SNTB1: variants seen among roughly 807,000 people sequenced by gnomAD.
SNTB1 encodes syntrophin beta 1.
SNTB1 carries 36 observed loss-of-function variants against 48.9 expected under a neutral mutation model. The observed-to-expected ratio is 0.74, with a 90% CI of 0.56 to 0.97. The LOEUF is 0.97. SNTB1 is among the 50% of genes least tolerant of loss of function. The pLI is 0.00. For synonymous variants in SNTB1, 299 were observed against 294.6 expected, an observed-to-expected ratio of 1.01 and a Z score of -0.15; for missense variants, 786 against 703.4, an observed-to-expected ratio of 1.12 and a Z score of -1.33.
At chr8:120,595,614 A>G (rs950562773) in intron 3 of SNTB1, among the ~76,000 whole-genome samples, 2 of 148,264 alleles carry the variant, frequency 1.3e-5, no homozygotes, top group African/African-American at 5.0e-5. Flanking sequence ...ACAGTGTTTC[A>G]CTCTTGTTGC....
intron 3 of SNTB1, among the ~76,000 whole-genome samples, chr8:120,597,582 A>G (rs1356300772): frequency 6.6e-6 from 1 of 152,248 alleles, no homozygotes; most frequent in African/African-American, 2.4e-5. Context: ...GAAAACCACA[A>G]AGAAGGATCC....
At chr8:120,680,341 C>T (rs181921231) in intron 2 of SNTB1, among the ~76,000 whole-genome samples, 46 of 152,256 alleles carry the variant, frequency 3.0e-4, no homozygotes, top group Middle Eastern at 3.4e-3. Context: ...AGAACCAAGA[C>T]GACTGAAACT....
intron 1 of SNTB1, among the ~76,000 whole-genome samples, chr8:120,701,996 C>T (rs887034468): frequency 7.9e-5 from 12 of 152,186 alleles, no homozygotes; most frequent in African/African-American, 2.4e-4. Context: ...ATAATTGATG[C>T]CAAAGTAAGG....
chr8:120,596,020 T>C (rs1233973634), intron 3 of SNTB1, among the ~76,000 whole-genome samples: 1 of 152,172 alleles, frequency 6.6e-6, no homozygotes. Context: ...TTTTCATGCA[T>C]GTGTTTCTGT....
At chr8:120,664,634 C>T (rs1336370495) in intron 2 of SNTB1, among the ~76,000 whole-genome samples, 1 of 152,096 alleles carries the variant, frequency 6.6e-6, no homozygotes, top group African/African-American at 2.4e-5. Flanking sequence ...GTAAGTAATC[C>T]ATTACGTGGA....
chr8:120,791,188 A>C (rs1416143660), intron 1 of SNTB1, among the ~76,000 whole-genome samples: 1 of 151,936 alleles, frequency 6.6e-6, no homozygotes, highest in East Asian at 1.9e-4. Flanking sequence ...CAAAGCATAC[A>C]AAAACATAAA....
At chr8:120,580,447 T>A (rs946151218) in intron 3 of SNTB1, among the ~76,000 whole-genome samples, 3 of 152,184 alleles carry the variant, frequency 2.0e-5, no homozygotes, top group Non-Finnish European at 4.4e-5. Flanking sequence ...ACAATGTATA[T>A]AAAACTTCCT....
intron 2 of SNTB1, among the ~76,000 whole-genome samples, chr8:120,649,479 G>A (rs1339410526): frequency 2.0e-4 from 27 of 135,338 alleles, no homozygotes; most frequent in South Asian, 2.7e-4. Flanking sequence ...TAGGCTGCTC[G>A]GGGGTCAGGG....
chr8:120,776,534 T>C (rs1587153963), intron 1 of SNTB1: 1 of 152,212 alleles, frequency 6.6e-6, no homozygotes, highest in Admixed American at 6.5e-5. Context: ...TATGATGTTA[T>C]GAAATGCCAG....
At position 120,536,801 on chromosome 8, in the gene SNTB1, T is replaced by C. The variant is rs566386721; in HGVS notation, c.*2076A>G. The stretch of plus-strand genomic sequence containing the variant: ...AAATCATATTTGTAATTATGATCAT[T>C]TTAATTTGTCTATAAATATATAATA... On this transcript the variant is annotated 3_prime_UTR_variant, in exon 7 of 7. Transcript: ENST00000517992. 1 of 152,204 alleles carries C rather than the reference T, an allele frequency of 6.6e-6. No homozygotes were observed. The highest frequency in any genetic ancestry group is 2.1e-4 in the South Asian group (1 of 4,822). The allele number at this position is 152,204 out of a possible 1,614,324, so 9.4% of individuals were successfully genotyped here. A position where few individuals can be genotyped will look rare whatever the true frequency, so the allele number is the denominator to read the frequency against.
chr8:120,802,818 C>T (rs1054972603), intron 1 of SNTB1, among the ~76,000 whole-genome samples: 1 of 152,054 alleles, frequency 6.6e-6, no homozygotes, highest in Non-Finnish European at 1.5e-5. Flanking sequence ...GTTTTACATA[C>T]TTAGTCCCTT....
intron 2 of SNTB1, among the ~76,000 whole-genome samples, chr8:120,679,984 A>AT (rs2129814663): frequency 6.6e-6 from 1 of 152,084 alleles, no homozygotes; most frequent in African/African-American, 2.4e-5. Flanking sequence ...ATAGAACTAT[A>AT]TTTTTTCTTG....
intron 2 of SNTB1, among the ~76,000 whole-genome samples, chr8:120,683,782 T>G (rs948152597): frequency 1.3e-5 from 2 of 152,056 alleles, no homozygotes; most frequent in East Asian, 3.9e-4. Flanking sequence ...GGACTCTGAG[T>G]ACAGAGAGAA....
chr8:120,807,278 CA>C (rs1820349922), intron 1 of SNTB1, among the ~76,000 whole-genome samples: 1 of 152,154 alleles, frequency 6.6e-6, no homozygotes, highest in Non-Finnish European at 1.5e-5. Context: ...AATCCAAGAG[CA>C]AAAAACTCCT....
At chr8:120,657,189 A>C (rs774985817) in intron 2 of SNTB1, among the ~76,000 whole-genome samples, 15 of 152,194 alleles carry the variant, frequency 9.9e-5, no homozygotes, top group Admixed American at 2.0e-4. Flanking sequence ...TATCTTTCCA[A>C]TAATTGAAGT....
chr8:120,544,058 T>C (rs1355554551), intron 5 of SNTB1, among the ~76,000 whole-genome samples: 1 of 152,030 alleles, frequency 6.6e-6, no homozygotes, highest in East Asian at 1.9e-4. Context: ...CCTGAGTAGC[T>C]GGGATTACAG....
chr8:120,772,256 T>C (rs574377137), intron 1 of SNTB1, among the ~76,000 whole-genome samples: 1 of 151,966 alleles, frequency 6.6e-6, no homozygotes, highest in Admixed American at 6.5e-5. Flanking sequence ...TCTTCTTTTT[T>C]TTTTTTTGAG....
chr8:120,811,567 TGCGGACCCCGGCGGGC>T lies in SNTB1; in HGVS notation c.261_276del (p.Ala89LeufsTer20). 6.3e-7 allele frequency: 1 copy of T among 1,576,468 alleles called. No homozygotes were observed. The highest frequency in any genetic ancestry group is 8.6e-7 in the Non-Finnish European group (1 of 1,161,550). On this transcript the variant is annotated frameshift_variant, in exon 1 of 7. Coordinates refer to ENST00000517992, the MANE Select transcript of SNTB1 (RefSeq NM_021021.4). LOFTEE classifies it high-confidence loss of function. ...TGCTCGGGCAGGTCGGTGAAAGCGGTGCGGACCCCGGCGGGCGAGTCCGGGGGCTGCGCGCCGCCCG... is the reference window on the plus strand; with the variant it reads ...TGCTCGGGCAGGTCGGTGAAAGCGGTGAGTCCGGGGGCTGCGCGCCGCCCG...
rs191004332 is a variant in SNTB1, at chr8:120,781,592, A to C, written c.571+29681T>G. 5.0e-3 allele frequency among the ~76,000 whole-genome samples: 768 copies of C among 152,362 alleles called. 8 individuals are homozygous for C. The highest frequency in any genetic ancestry group is 0.018 in the African/African-American group (745 of 41,586). On this transcript the variant is annotated intron_variant, in intron 1 of 6. Coordinates refer to ENST00000517992, the MANE Select transcript of SNTB1 (RefSeq NM_021021.4). ...TAAGTTAAGTGGGTGACCCAAGGCC[A>C]TGGAGCATAGAGTCAAAGCAAGAGC...
Sources: gnomAD v4.1 joint callset for allele counts (sites outside exome capture counted in the v4.1 genomes callset) on GRCh38, gnomAD v4.1.1 for gene constraint, MANE v1.5 for transcripts, NCBI Gene and HGNC (gene_info 2026-07-23, HGNC 2026-07-21) for gene names.